Variants in GLDC observed in about 807,000 individuals in gnomAD.
GLDC encodes glycine decarboxylase.
In GLDC, 104 loss-of-function variants were observed where a neutral mutation model predicts 121.3. The ratio of observed to expected loss-of-function variants is 0.86; its 90% CI spans 0.73 to 1.01. The LOEUF is 1.01. GLDC is among the 50% of genes least tolerant of loss of function. The probability of loss-of-function intolerance (pLI) is 0.00; values close to 1 mark genes in which losing one functional copy is unlikely to be tolerated. For missense variants in GLDC, 1,429 were observed against 1,306.6 expected (o/e 1.09, Z -1.44); for synonymous variants, 546 against 480.6 (o/e 1.14, Z -1.78).
At position 6,558,644 on chromosome 9, in the gene GLDC, G is replaced by A; in HGVS notation, c.1967C>T (p.Ala656Val). Residue 656 changes from alanine (A) to valine (V), a missense_variant, in exon 17 of 25, where the codon GCA (alanine) becomes GTA (valine). Coordinates refer to ENST00000321612, the MANE Select transcript of GLDC (RefSeq NM_000170.3). ...CTTCATGCCTGCCATGTGGGCACTT[G>A]CTGGGTTGGTCCCATGTGCTGATTT... The part of the protein sequence containing the change: ...IPKSAHGTNP[A>V]SAHMAGMKIQ... 1 of 1,614,110 alleles carries A rather than the reference G, an allele frequency of 6.2e-7. No homozygotes were observed. The highest frequency in any genetic ancestry group is 8.5e-7 in the Non-Finnish European group (1 of 1,179,946).
intron 2 of GLDC, among the ~76,000 whole-genome samples, chr9:6,626,820 A>G (rs1251116649): frequency 6.6e-6 from 1 of 152,150 alleles, no homozygotes; most frequent in Non-Finnish European, 1.5e-5. Flanking sequence ...CCTGCCACTC[A>G]GGCACTGGTC....
intron 2 of GLDC, among the ~76,000 whole-genome samples, chr9:6,640,578 C>G (rs1819609338): frequency 6.6e-6 from 1 of 152,262 alleles, no homozygotes; most frequent in South Asian, 2.1e-4. Context: ...ACAAGTCCAT[C>G]ATTCTGACAA....
chr9:6,533,359 G>A (rs1340174729), intron 24 of GLDC, among the ~76,000 whole-genome samples, 199 bp from the exon 25 acceptor site: 17 of 152,140 alleles, frequency 1.1e-4, no homozygotes, highest in South Asian at 2.1e-4. Context: ...CACCACCCCT[G>A]TTAAGCATCC....
chr9:6,622,684 C>T (rs1304545106), intron 2 of GLDC: 92 of 203,532 alleles, frequency 4.5e-4, no homozygotes, highest in East Asian at 6.9e-4. Context: ...AAGTGAGGAG[C>T]CTCTCTGCCT....
At chr9:6,599,933 TAAG>T (rs1818568470) in intron 8 of GLDC, among the ~76,000 whole-genome samples, 1 of 152,080 alleles carries the variant, frequency 6.6e-6, no homozygotes. Context: ...GAACCAACTA[TAAG>T]AAGATCTTAT....
intron 3 of GLDC, among the ~76,000 whole-genome samples, chr9:6,612,840 TGACAGAGCGA>T (rs1587967415): frequency 1.3e-5 from 2 of 151,940 alleles, no homozygotes; most frequent in East Asian, 3.9e-4. Flanking sequence ...CCAGCCTGGG[TGACAGAGCGA>T]GACTCCATCT....
intron 15 of GLDC, among the ~76,000 whole-genome samples, chr9:6,576,757 G>A (rs1005123239): frequency 9.9e-5 from 15 of 152,158 alleles, no homozygotes; most frequent in African/African-American, 1.4e-4. Context: ...GTGAACCACC[G>A]CGTCTGGCCT....
At chr9:6,536,555 A>G (rs1817133787) in intron 22 of GLDC, among the ~76,000 whole-genome samples, 1 of 152,218 alleles carries the variant, frequency 6.6e-6, no homozygotes, top group Admixed American at 6.5e-5. Context: ...CAAGCCACAT[A>G]ATGATATCCC....
Position 6,625,015 on chromosome 9 carries a change from C to T in GLDC, c.335-4696G>A, listed in dbSNP as rs191482503. Among the ~76,000 whole-genome samples the T allele has an allele frequency of 5.3e-5, 8 of 151,442 alleles. No individual in the cohort carries two copies. The East Asian group carries it at 1.6e-3, about 29-fold the overall frequency. Reference sequence around the variant, plus strand: ...GAAAAAAAAAAAAGGCTCAGGTGAACTCCAGCACTTTGCCAGAGACATGGT... The same window carrying T: ...GAAAAAAAAAAAAGGCTCAGGTGAATTCCAGCACTTTGCCAGAGACATGGT... On this transcript the variant is annotated intron_variant, in intron 2 of 24. Transcript: ENST00000321612.
intron 7 of GLDC, 114 bp from the exon 8 acceptor site, chr9:6,602,319 G>T: frequency 1.4e-6 from 1 of 729,084 alleles, no homozygotes; most frequent in Admixed American, 1.9e-5. Flanking sequence ...AAATGCACTT[G>T]GGTGCAAATT....
chr9:6,557,409 T>G (rs7041988), intron 17 of GLDC, among the ~76,000 whole-genome samples: 1 of 151,362 alleles, frequency 6.6e-6, no homozygotes, highest in African/African-American at 2.4e-5. Context: ...TCCTGGCCAA[T>G]ACGGGGAAAC....
rs533781935 is a variant in GLDC, at chr9:6,624,852, G to C, written c.335-4533C>G. ...AAAACACAAAAATTAGCTGGGCCTGGTGGCATGTGCCTGTAATCCCAGCTA... is the reference window on the plus strand; with the variant it reads ...AAAACACAAAAATTAGCTGGGCCTGCTGGCATGTGCCTGTAATCCCAGCTA... On this transcript the variant is annotated intron_variant, in intron 2 of 24. Transcript: ENST00000321612. 5.9e-5 allele frequency among the ~76,000 whole-genome samples: 9 copies of C among 152,220 alleles called. No individual in the cohort carries two copies. The East Asian group carries it at 1.4e-3, about 23-fold the overall frequency.
At chr9:6,628,836 C>A (rs915021395) in intron 2 of GLDC, among the ~76,000 whole-genome samples, 1 of 152,194 alleles carries the variant, frequency 6.6e-6, no homozygotes, top group Non-Finnish European at 1.5e-5. Context: ...TTTGCACTCT[C>A]AGCCATGAAG....
rs1279214750 is a variant in GLDC, at chr9:6,554,529, TC to T, written c.2315+139del. 8 of 719,284 alleles carry T rather than the reference TC, an allele frequency of 1.1e-5. No individual in the cohort carries two copies. The East Asian group carries it at 1.6e-4, about 15-fold the overall frequency. The allele number at this position is 719,284 out of a possible 1,614,324, so 44.6% of individuals were successfully genotyped here. A position where few individuals can be genotyped will look rare whatever the true frequency, so the allele number is the denominator to read the frequency against. On this transcript the variant is annotated intron_variant, in intron 19 of 24. Coordinates refer to ENST00000321612, the MANE Select transcript of GLDC (RefSeq NM_000170.3). ...CTAAAAGCACCCATTTTGCTGCTCC[TC>T]CCCCAGCCCCTACAAGTGCACTACA...
intron 15 of GLDC, among the ~76,000 whole-genome samples, chr9:6,582,266 C>A (rs1012995038): frequency 6.6e-6 from 1 of 151,522 alleles, no homozygotes; most frequent in African/African-American, 2.4e-5. Context: ...CGCCTGTAAC[C>A]CCAGCACTTT....
Position 6,534,794 on chromosome 9 carries a change from A to C in GLDC, c.2839-6T>G. ...GTCAGGGAGTGTGGAGACATCTGAG[A>C]CAGAGACACGGACAGAGGAGGGGTC... On this transcript the variant is annotated splice_region_variant and splice_polypyrimidine_tract_variant and intron_variant, in intron 23 of 24. Transcript: ENST00000321612. The C allele has an allele frequency of 6.4e-7, 1 of 1,552,494 alleles. No homozygotes were observed. The highest frequency in any genetic ancestry group is 8.9e-7 in the Non-Finnish European group (1 of 1,123,860).
At chr9:6,572,190 A>T (rs1422347527) in intron 15 of GLDC, among the ~76,000 whole-genome samples, 1 of 152,246 alleles carries the variant, frequency 6.6e-6, no homozygotes, top group Non-Finnish European at 1.5e-5. Flanking sequence ...GAACTCCATC[A>T]TAATTAAAAA....
chr9:6,637,743 AG>A (rs1226899837), intron 2 of GLDC, among the ~76,000 whole-genome samples: 3 of 152,174 alleles, frequency 2.0e-5, no homozygotes, highest in African/African-American at 7.2e-5. Flanking sequence ...CTAGGATTAC[AG>A]GCATGAGCCA....
chr9:6,584,856 C>G (rs1259649638), intron 15 of GLDC, among the ~76,000 whole-genome samples: 3 of 152,184 alleles, frequency 2.0e-5, no homozygotes, highest in East Asian at 3.8e-4. Context: ...ATGAAGATCT[C>G]TTACCCTCTG....
Sources: allele counts gnomAD v4.1 joint callset (sites outside exome capture counted in the v4.1 genomes callset), GRCh38; gene constraint gnomAD v4.1.1; transcripts MANE v1.5; gene names NCBI Gene and HGNC (gene_info 2026-07-23, HGNC 2026-07-21).